The following EXOC6B variants were observed in gnomAD, a reference collection of about 807,000 sequenced individuals.
EXOC6B encodes the protein SEC15 homolog B.
Under a neutral mutation model 113.5 loss-of-function variants are expected in EXOC6B, and 54 were observed. The ratio of observed to expected loss-of-function variants is 0.48; its 90% CI spans 0.38 to 0.60. The LOEUF is 0.60. Ranked by LOEUF, EXOC6B falls within the 20% of genes least tolerant of loss-of-function variation. The pLI is 0.00. For synonymous variants in EXOC6B, 357 were observed against 339.0 expected (o/e 1.05, Z -0.58); for missense variants, 797 against 977.5 (o/e 0.82, Z 2.46).
chr2:72,307,698 G>T (rs1156492713), intron 20 of EXOC6B, among the ~76,000 whole-genome samples: 1 of 152,124 alleles, frequency 6.6e-6, no homozygotes, highest in Non-Finnish European at 1.5e-5. Context: ...CTACAGCAAA[G>T]GTTCCCTTTT....
intron 21 of EXOC6B, chr2:72,182,910 G>A: frequency 8.1e-7 from 1 of 1,231,182 alleles, no homozygotes; most frequent in South Asian, 4.1e-5. Flanking sequence ...GATATCCTAG[G>A]GCGGAAGGTC....
At chr2:72,441,490 T>G (rs1696197527) in intron 18 of EXOC6B, among the ~76,000 whole-genome samples, 1 of 149,676 alleles carries the variant, frequency 6.7e-6, no homozygotes, top group Non-Finnish European at 1.5e-5. Flanking sequence ...TAGATAAACC[T>G]TTAACTAGAA....
At chr2:72,271,647 A>G (rs978538862) in intron 20 of EXOC6B, among the ~76,000 whole-genome samples, 1 of 152,170 alleles carries the variant, frequency 6.6e-6, no homozygotes, top group Non-Finnish European at 1.5e-5. Flanking sequence ...TGGTCCTTAT[A>G]TAATGTAAAG....
intron 8 of EXOC6B, among the ~76,000 whole-genome samples, chr2:72,536,987 T>C (rs180770541): frequency 1.5e-3 from 232 of 152,364 alleles, no homozygotes; most frequent in Middle Eastern, 6.8e-3. Context: ...ATTTTCATCA[T>C]AAAGGTCTTG....
In EXOC6B at chr2:72,660,102, A is replaced by G. The variant is rs1355869404; in HGVS notation, c.669+58001T>C. Among the ~76,000 whole-genome samples the G allele has an allele frequency of 7.9e-4, 120 of 151,406 alleles. 2 individuals are homozygous for G. Among genetic ancestry groups the G allele is most frequent in the Admixed American group, 7.8e-3 (119 of 15,210 alleles). On this transcript the variant is annotated intron_variant, in intron 6 of 21. Coordinates refer to ENST00000272427, the MANE Select transcript of EXOC6B (RefSeq NM_015189.3). Reference sequence around the variant, plus strand: ...ACATCAATCCTCTTTTTTTTTTTACAGTGAGTGTAAAGGACTGGCTATTAA... The same window carrying G: ...ACATCAATCCTCTTTTTTTTTTTACGGTGAGTGTAAAGGACTGGCTATTAA...
intron 16 of EXOC6B, among the ~76,000 whole-genome samples, chr2:72,487,429 C>T (rs932470059): frequency 4.6e-5 from 7 of 152,242 alleles, no homozygotes; most frequent in South Asian, 4.1e-4. Context: ...GGCACAATCT[C>T]GGCTCACTGC....
intron 18 of EXOC6B, among the ~76,000 whole-genome samples, chr2:72,397,787 T>C (rs1358098916): frequency 6.6e-6 from 1 of 151,896 alleles, no homozygotes; most frequent in Non-Finnish European, 1.5e-5. Context: ...CATTAGCATA[T>C]AAATGATGTG....
chr2:72,400,423 T>C (rs1471467970), intron 18 of EXOC6B, among the ~76,000 whole-genome samples: 1 of 151,078 alleles, frequency 6.6e-6, no homozygotes, highest in Non-Finnish European at 1.5e-5. Flanking sequence ...AAAATGAAAA[T>C]AGAGAAATAG....
At chr2:72,579,882 G>C (rs571516856) in intron 6 of EXOC6B, among the ~76,000 whole-genome samples, 4 of 152,094 alleles carry the variant, frequency 2.6e-5, no homozygotes, top group African/African-American at 9.6e-5. Flanking sequence ...TCAATAACAG[G>C]GGAGAAACAA....
intron 1 of EXOC6B, among the ~76,000 whole-genome samples, chr2:72,771,814 A>T (rs1167754946): frequency 6.6e-6 from 1 of 152,180 alleles, no homozygotes; most frequent in Non-Finnish European, 1.5e-5. Context: ...ATCTCTAAAA[A>T]AGAAAGAAAA....
At chr2:72,179,737 T>C (rs1030379709) in intron 21 of EXOC6B, among the ~76,000 whole-genome samples, 9 of 152,124 alleles carry the variant, frequency 5.9e-5, no homozygotes, top group Admixed American at 5.2e-4. Flanking sequence ...CTCCACCTAA[T>C]TCATTCTCTT....
intron 2 of EXOC6B, among the ~76,000 whole-genome samples, chr2:72,733,402 G>T (rs1680763498): frequency 6.6e-6 from 1 of 152,064 alleles, no homozygotes; most frequent in South Asian, 2.1e-4. Flanking sequence ...TTTAACTTTG[G>T]GGAGACAAGA....
At chr2:72,401,099 T>A (rs1286139896) in intron 18 of EXOC6B, among the ~76,000 whole-genome samples, 1 of 151,946 alleles carries the variant, frequency 6.6e-6, no homozygotes, top group Non-Finnish European at 1.5e-5. Context: ...TAGATAAATA[T>A]AGATACAACA....
In EXOC6B at chr2:72,754,980, T is replaced by C. The variant is rs542201695; in HGVS notation, c.114-13511A>G. 3.7e-4 allele frequency among the ~76,000 whole-genome samples: 56 copies of C among 152,182 alleles called. 1 individual carries two copies. The highest frequency in any genetic ancestry group is 1.3e-3 in the African/African-American group (56 of 41,524). On this transcript the variant is annotated intron_variant, in intron 1 of 21. Transcript: ENST00000272427. ...ATTTTTTTTAATGAAACAAAATCTA[T>C]TGAAGCACCTAGCCCTATCCTTGAT... is the stretch of plus-strand genomic sequence containing the variant.
At chr2:72,331,375 A>T (rs1295230332) in intron 20 of EXOC6B, among the ~76,000 whole-genome samples, 2 of 152,146 alleles carry the variant, frequency 1.3e-5, no homozygotes, top group Non-Finnish European at 2.9e-5. Context: ...CCATGGAAGA[A>T]AAATATAAGC....
At chr2:72,184,439 C>A (rs563701707) in intron 20 of EXOC6B, among the ~76,000 whole-genome samples, 28 of 152,326 alleles carry the variant, frequency 1.8e-4, no homozygotes, top group African/African-American at 6.7e-4. Context: ...GCAGTCAGCT[C>A]TCAGAGGCAA....
At chr2:72,653,209 T>C (rs1469767106) in intron 6 of EXOC6B, among the ~76,000 whole-genome samples, 1 of 150,992 alleles carries the variant, frequency 6.6e-6, no homozygotes, top group Non-Finnish European at 1.5e-5. Context: ...ATATACACCA[T>C]GGAATACTAT....
intron 8 of EXOC6B, among the ~76,000 whole-genome samples, chr2:72,529,430 T>C (rs747955119): frequency 4.7e-4 from 71 of 152,340 alleles, no homozygotes; most frequent in South Asian, 1.9e-3. Flanking sequence ...AGTTTCCTTT[T>C]CTATATTAAT....
At chr2:72,317,967 C>T in intron 20 of EXOC6B, among the ~76,000 whole-genome samples, 1 of 152,174 alleles carries the variant, frequency 6.6e-6, no homozygotes, top group East Asian at 1.9e-4. Context: ...ATGAACACCA[C>T]AATCCTTAGA....
Sources: gnomAD v4.1 joint callset for allele counts (sites outside exome capture counted in the v4.1 genomes callset) on GRCh38, gnomAD v4.1.1 for gene constraint, MANE v1.5 for transcripts, NCBI Gene and HGNC (gene_info 2026-07-23, HGNC 2026-07-21) for gene names.